The following ALG14 variants were observed in gnomAD, a reference collection of about 807,000 sequenced individuals.
The protein encoded by ALG14 is ALG14 UDP-N-acetylglucosaminyltransferase subunit.
ALG14 carries 17 observed loss-of-function variants against 22.8 expected under a neutral mutation model. The observed-to-expected ratio is 0.75, with a 90% CI of 0.51 to 1.12. The LOEUF (loss-of-function observed/expected upper bound fraction) is 1.12. Among genes scored for constraint, ALG14 ranks in the 50% most tolerant of loss-of-function variants. ALG14 has a pLI of 0.00. For missense variants in ALG14, 288 were observed against 271.8 expected, an observed-to-expected ratio of 1.06 and a Z score of -0.42; for synonymous variants, 89 against 103.7, an observed-to-expected ratio of 0.86 and a Z score of 0.86.
At chr1:94,988,809 T>G (rs1185879040) in intron 3 of ALG14, among the ~76,000 whole-genome samples, 2 of 152,212 alleles carry the variant, frequency 1.3e-5, no homozygotes, top group Admixed American at 1.3e-4. Flanking sequence ...TTTGCCCCTC[T>G]TTTAAATATT....
chr1:95,007,596 C>T (rs893136600), intron 3 of ALG14, among the ~76,000 whole-genome samples: 3 of 152,224 alleles, frequency 2.0e-5, no homozygotes, highest in Non-Finnish European at 4.4e-5. Context: ...TGAAATCCTG[C>T]AGCAACTTGA....
chr1:95,000,777 T>TA (rs56810994), intron 3 of ALG14, among the ~76,000 whole-genome samples: 6,038 of 64,206 alleles, frequency 0.094, 331 homozygotes, highest in African/African-American at 0.2. Flanking sequence ...TATGCCACAC[T>TA]AAAAAAAAAA....
At chr1:95,055,305 T>C (rs1261497470) in intron 2 of ALG14, among the ~76,000 whole-genome samples, 1 of 152,150 alleles carries the variant, frequency 6.6e-6, no homozygotes, top group Non-Finnish European at 1.5e-5. Context: ...TCATAGTAAA[T>C]TATCAGCTTT....
intron 3 of ALG14, among the ~76,000 whole-genome samples, chr1:95,025,538 G>A (rs1439436566): frequency 6.6e-6 from 1 of 152,228 alleles, no homozygotes; most frequent in Non-Finnish European, 1.5e-5. Context: ...CGAGAGTCCT[G>A]AATGACATCG....
intron 3 of ALG14, among the ~76,000 whole-genome samples, chr1:94,994,399 G>A (rs1424549960): frequency 6.6e-6 from 1 of 152,186 alleles, no homozygotes; most frequent in Non-Finnish European, 1.5e-5. Flanking sequence ...AAGCCTCAGG[G>A]AATAATTTAG....
rs1488657939 is a variant in ALG14, at chr1:94,981,577, T to C, written c.*1499A>G. On this transcript the variant is annotated 3_prime_UTR_variant, in exon 4 of 4. Transcript: ENST00000370205. ...AAAATTCAATCACTTCACTAATCAC[T>C]ATTTATTAGATTTATATCATACTTA... 2 of 151,142 alleles carry C rather than the reference T, an allele frequency of 1.3e-5. No homozygotes were observed. The highest frequency in any genetic ancestry group is 6.6e-5 in the Admixed American group (1 of 15,190). 9.4% of individuals were successfully genotyped at this position (151,142 alleles called of 1,614,324 possible).
chr1:95,035,824 C>T (rs546392836), intron 2 of ALG14: 15 of 152,252 alleles, frequency 9.9e-5, no homozygotes, highest in African/African-American at 3.4e-4. Context: ...TTGCTGTTAC[C>T]ACACACTGAA....
intron 3 of ALG14, among the ~76,000 whole-genome samples, chr1:94,987,314 A>T (rs2100715202): frequency 6.6e-6 from 1 of 152,326 alleles, no homozygotes; most frequent in African/African-American, 2.4e-5. Context: ...ATAGAAGCAT[A>T]CTAAGTGACA....
intron 3 of ALG14, among the ~76,000 whole-genome samples, chr1:94,986,444 C>CA (rs1185998762): frequency 1.3e-5 from 2 of 152,088 alleles, no homozygotes; most frequent in Non-Finnish European, 2.9e-5. Context: ...TCTAACCATA[C>CA]ACTTATGTGG....
intron 2 of ALG14, among the ~76,000 whole-genome samples, chr1:95,050,158 A>G (rs1320462142): frequency 6.6e-6 from 1 of 152,210 alleles, no homozygotes; most frequent in East Asian, 1.9e-4. Context: ...GTTCCGAGCG[A>G]TATGGATGAG....
At chr1:94,985,892 G>GA (rs375946092) in intron 3 of ALG14, among the ~76,000 whole-genome samples, 12,028 of 142,456 alleles carry the variant, frequency 0.084, 498 homozygotes, top group African/African-American at 0.11. Context: ...ATCAAGGACT[G>GA]AAAAAAAAAA....
At chr1:95,069,878 C>T (rs549627648) in intron 1 of ALG14, among the ~76,000 whole-genome samples, 8 of 149,446 alleles carry the variant, frequency 5.4e-5, no homozygotes, top group Admixed American at 2.0e-4. Flanking sequence ...TTTTACTCCA[C>T]CTTTCTGTGT....
intron 2 of ALG14, among the ~76,000 whole-genome samples, chr1:95,047,789 G>T (rs1484619463): frequency 6.6e-6 from 1 of 152,158 alleles, no homozygotes; most frequent in Non-Finnish European, 1.5e-5. Flanking sequence ...AGACCAGCCT[G>T]GGCAACATAG....
chr1:94,987,059 A>G (rs1672662980), intron 3 of ALG14, among the ~76,000 whole-genome samples: 2 of 152,140 alleles, frequency 1.3e-5, no homozygotes, highest in African/African-American at 4.8e-5. Context: ...GGAACTGAGG[A>G]GGATGTGGCC....
intron 2 of ALG14, among the ~76,000 whole-genome samples, chr1:95,033,034 C>G (rs1674061328): frequency 6.6e-6 from 1 of 152,158 alleles, no homozygotes; most frequent in Non-Finnish European, 1.5e-5. Context: ...CTGCTATGAC[C>G]TTTGGCCAGG....
chr1:95,011,241 G>A (rs1673351288), intron 3 of ALG14, among the ~76,000 whole-genome samples: 1 of 152,088 alleles, frequency 6.6e-6, no homozygotes, highest in African/African-American at 2.4e-5. Context: ...GGACCCTCAT[G>A]GAATAGGAGT....
rs189751787 is a variant in ALG14, at chr1:95,032,974, C to T, written c.289-5714G>A. Among the ~76,000 whole-genome samples the T allele has an allele frequency of 7.0e-3, 1,058 of 152,166 alleles. 4 individuals are homozygous for T. The highest frequency in any genetic ancestry group is 0.01 in the Non-Finnish European group (702 of 68,012). On this transcript the variant is annotated intron_variant, in intron 2 of 3. Transcript: ENST00000370205. ...GCTTATATTCTGGTCTTAAAGTTTC[C>T]TTTGAAGACAAGGGAATGAGACAGA...
chr1:94,986,218 G>A (rs191573070), intron 3 of ALG14, among the ~76,000 whole-genome samples: 143 of 152,214 alleles, frequency 9.4e-4, no homozygotes, highest in Non-Finnish European at 1.7e-3. Context: ...ACCACCACCC[G>A]GGCCATCTCT....
intron 3 of ALG14, among the ~76,000 whole-genome samples, chr1:95,012,841 A>G (rs1673404163): frequency 1.3e-5 from 2 of 152,194 alleles, no homozygotes; most frequent in African/African-American, 4.8e-5. Context: ...TGTTGAAACA[A>G]TGAAAAACAG....
Sources: gnomAD v4.1 joint callset for allele counts (sites outside exome capture counted in the v4.1 genomes callset) on GRCh38, gnomAD v4.1.1 for gene constraint, MANE v1.5 for transcripts, NCBI Gene and HGNC (gene_info 2026-07-23, HGNC 2026-07-21) for gene names.